Variants in ANO7 observed in about 807,000 individuals in gnomAD.
ANO7 encodes anoctamin-7.
In ANO7, 114 loss-of-function variants were observed where a neutral mutation model predicts 115.8. The ratio of observed to expected loss-of-function variants is 0.98; its 90% CI spans 0.85 to 1.15. The LOEUF (loss-of-function observed/expected upper bound fraction) is 1.15, where lower values mean the gene tolerates loss of function less well. Among genes scored for constraint, ANO7 ranks in the 50% most tolerant of loss-of-function variants. The pLI, the probability that ANO7 is intolerant of heterozygous loss-of-function variation, is 0.00. For missense variants in ANO7, 1,302 were observed against 1,201.2 expected (o/e 1.08, Z -1.24); for synonymous variants, 550 against 498.2 (o/e 1.10, Z -1.38).
Position 241,223,800 on chromosome 2 carries a change from T to C in ANO7, c.2532+19T>C. ...GAATGAGGTGAACTGTACAGCCCAGTCTCGGCCCTCCCCCCAGCCCTCTCC... is the reference window on the plus strand; with the variant it reads ...GAATGAGGTGAACTGTACAGCCCAGCCTCGGCCCTCCCCCCAGCCCTCTCC... On this transcript the variant is annotated intron_variant, in intron 23 of 24. Transcript: ENST00000674324. The C allele has an allele frequency of 6.2e-7, 1 of 1,614,194 alleles. No homozygotes were observed. The highest frequency in any genetic ancestry group is 8.5e-7 in the Non-Finnish European group (1 of 1,180,016).
At chr2:241,191,074 T>C (rs1167128854) in intron 2 of ANO7, 120 bp from the exon 3 acceptor site, 18 of 1,122,894 alleles carry the variant, frequency 1.6e-5, no homozygotes, top group Non-Finnish European at 2.4e-5. Flanking sequence ...TCCTGAGTGT[T>C]CTGGGGCAGG....
At chr2:241,226,130 A>C (rs570922166), downstream of ANO7, among the ~76,000 whole-genome samples, 1 of 151,456 alleles carries the variant, frequency 6.6e-6, no homozygotes, top group Admixed American at 6.6e-5. Context: ...CTACCCTGTG[A>C]CCCTCTCCCA....
the ANO7 span, among the ~76,000 whole-genome samples, chr2:241,237,727 AC>A: frequency 8.9e-5 from 11 of 123,446 alleles, no homozygotes; most frequent in Non-Finnish European, 3.4e-5. Flanking sequence ...CAGAAAAAAA[AC>A]GTGTGTAAAA....
Position 241,209,315 on chromosome 2 carries a change from G to A in ANO7, c.1108G>A (p.Val370Met), listed in dbSNP as rs141888987. ...AGRLFDHGGT[V>M]FFSLFMALWA... ...CCGGCTGTTCGACCACGGCGGCACCGTGTTCTTCAGCTTGTTCATGGCACT... is the reference window on the plus strand; with the variant it reads ...CCGGCTGTTCGACCACGGCGGCACCATGTTCTTCAGCTTGTTCATGGCACT... The change falls in exon 12 of 25, where the codon GTG (valine) becomes ATG (methionine). Residue 370 changes from valine (V) to methionine (M), a missense_variant. Coordinates refer to ENST00000674324, the MANE Select transcript of ANO7 (RefSeq NM_001370694.2). The A allele has an allele frequency of 8.6e-5, 135 of 1,567,220 alleles. No homozygotes were observed. The highest frequency in any genetic ancestry group is 4.8e-4 in the South Asian group (41 of 85,536).
At chr2:241,216,998 T>C (rs2068846773) in intron 19 of ANO7, among the ~76,000 whole-genome samples, 1 of 152,012 alleles carries the variant, frequency 6.6e-6, no homozygotes, top group African/African-American at 2.4e-5. Flanking sequence ...CACGCCCGGC[T>C]AATTTTGTAT....
chr2:241,230,303 T>C, downstream of ANO7: 1 of 1,286,130 alleles, frequency 7.8e-7, no homozygotes, highest in Admixed American at 2.2e-5. The surrounding 1 kb of genome is among the most constrained non-coding windows in gnomAD (Gnocchi z 5.0). Context: ...ATGAGGGGAC[T>C]CCAAGCGAGG....
chr2:241,195,613 C>G (rs1253620989), intron 3 of ANO7, 90 bp from the exon 4 acceptor site: 3 of 1,332,072 alleles, frequency 2.3e-6, no homozygotes, highest in Non-Finnish European at 3.1e-6. Flanking sequence ...TGGCTCCCCA[C>G]TGCGTCCCGG....
downstream of ANO7, chr2:241,229,838 C>T (rs2069513437): frequency 1.4e-6 from 2 of 1,410,948 alleles, no homozygotes; most frequent in Non-Finnish European, 1.9e-6. Flanking sequence ...CTGACCTTCT[C>T]ACTGCTGCTG....
the ANO7 span, among the ~76,000 whole-genome samples, chr2:241,237,696 G>A: frequency 1.3e-5 from 2 of 151,100 alleles, no homozygotes; most frequent in Admixed American, 1.3e-4. Flanking sequence ...TGAATAAAGG[G>A]ACATGTCTAA....
chr2:241,224,207 C>A lies in ANO7; in HGVS notation c.*54C>A. ...GGGGAGTGGCCCCTCCTGAGCCCTG[C>A]GAGCAGCGTCCTTTTCCTCTTCCCT... On this transcript the variant is annotated 3_prime_UTR_variant, in exon 25 of 25. Coordinates refer to ENST00000674324, the MANE Select transcript of ANO7 (RefSeq NM_001370694.2). The A allele has an allele frequency of 1.3e-6, 2 of 1,588,972 alleles. No homozygotes were observed. The highest frequency in any genetic ancestry group is 1.1e-5 in the South Asian group (1 of 89,842).
chr2:241,199,222 G>T, intron 4 of ANO7, 94 bp from the exon 5 acceptor site: 1 of 1,073,802 alleles, frequency 9.3e-7, no homozygotes, highest in Non-Finnish European at 1.4e-6. Context: ...CTACAGAAAT[G>T]CCAGTCTTTT....
chr2:241,233,468 A>T, the ANO7 span, among the ~76,000 whole-genome samples: 2 of 152,138 alleles, frequency 1.3e-5, no homozygotes, highest in African/African-American at 4.8e-5. This position sits in a 1 kb window ranked among gnomAD's most constrained non-coding sequence, Gnocchi z 4.3. Context: ...CCCAGGTGAC[A>T]GGTGAATGAG....
At chr2:241,229,794 CCT>C, downstream of ANO7, 1 of 1,560,472 alleles carries the variant, frequency 6.4e-7, no homozygotes, top group Non-Finnish European at 8.7e-7. Context: ...GCCCGCCCAC[CCT>C]CCCTGGGACC....
intron 21 of ANO7, 101 bp downstream of exon 21, chr2:241,218,482 C>A: frequency 1.8e-6 from 1 of 557,550 alleles, no homozygotes; most frequent in Non-Finnish European, 2.2e-6. Context: ...CCGGGAGGGG[C>A]GGGCGCCGCC....
chr2:241,240,041 G>A, the ANO7 span: 9 of 1,614,056 alleles, frequency 5.6e-6, no homozygotes, highest in African/African-American at 1.3e-5. The surrounding 1 kb of genome is among the most constrained non-coding windows in gnomAD (Gnocchi z 5.5). Flanking sequence ...CGCACCTTGC[G>A]AATTTTGCCG....
the ANO7 span, chr2:241,238,603 G>T: frequency 7.0e-7 from 1 of 1,426,914 alleles, no homozygotes; most frequent in South Asian, 1.6e-5. This position sits in a 1 kb window ranked among gnomAD's most constrained non-coding sequence, Gnocchi z 4.9. Context: ...TCTCACATGG[G>T]AGGCGCCACT....
chr2:241,232,743 G>A, the ANO7 span, among the ~76,000 whole-genome samples: 2 of 152,088 alleles, frequency 1.3e-5, no homozygotes, highest in East Asian at 1.9e-4. Flanking sequence ...CAACCCGGGA[G>A]GCAGAGGTTA....
At chr2:241,230,767 C>T (rs753251867), downstream of ANO7, 5 of 1,613,782 alleles carry the variant, frequency 3.1e-6, no homozygotes, top group Admixed American at 3.3e-5. This position sits in a 1 kb window ranked among gnomAD's most constrained non-coding sequence, Gnocchi z 5.0. Flanking sequence ...ACCTTGAATT[C>T]GTCCATGATT....
In ANO7 at chr2:241,212,181, T is replaced by C. The variant is rs1287730827; in HGVS notation, c.1649T>C (p.Val550Ala). ...FQFVNFYSSP[V>A]YIAFFKGRFV... Reference sequence around the variant, plus strand: ...TTCGTCAACTTCTACTCCTCACCCGTCTACATTGCCTTCTTCAAGGGCAGG... The same window carrying C: ...TTCGTCAACTTCTACTCCTCACCCGCCTACATTGCCTTCTTCAAGGGCAGG... The change falls in exon 16 of 25, where the codon GTC becomes GCC. Residue 550 changes from valine to alanine, a missense_variant. Coordinates refer to ENST00000674324, the MANE Select transcript of ANO7 (RefSeq NM_001370694.2). 6.2e-7 allele frequency: 1 copy of C among 1,614,092 alleles called. No homozygotes were observed. Among genetic ancestry groups the C allele is most frequent in the Non-Finnish European group, 8.5e-7 (1 of 1,179,978 alleles).
Sources: gnomAD v4.1 joint callset for allele counts (sites outside exome capture counted in the v4.1 genomes callset) on GRCh38, gnomAD v4.1.1 for gene constraint, Gnocchi (gnomAD v3.1) non-coding constraint, MANE v1.5 for transcripts, NCBI Gene and HGNC (gene_info 2026-07-23, HGNC 2026-07-21) for gene names.